The following PTPRG variants were observed in gnomAD, a reference collection of about 807,000 sequenced individuals.
The protein encoded by PTPRG is receptor-type tyrosine-protein phosphatase gamma.
PTPRG carries 102 observed loss-of-function variants against 165.3 expected under a neutral mutation model. The ratio of observed to expected loss-of-function variants is 0.62; its 90% CI spans 0.53 to 0.73. The LOEUF (loss-of-function observed/expected upper bound fraction) is 0.73, where lower values mean the gene tolerates loss of function less well. Among genes scored for constraint, PTPRG ranks in the 30% least tolerant of loss-of-function variants. The pLI, the probability that PTPRG is intolerant of heterozygous loss-of-function variation, is 0.00. For synonymous variants in PTPRG, 675 were observed against 669.5 expected (o/e 1.01, Z -0.13); for missense variants, 1,866 against 1,861.4 (o/e 1.00, Z -0.05).
intron 29 of PTPRG, 127 bp downstream of exon 29, chr3:62,292,683 C>T: frequency 1.8e-6 from 2 of 1,120,326 alleles, no homozygotes; most frequent in Admixed American, 2.5e-5. Context: ...TGTCTGGAGA[C>T]TTTTTTGCTT....
intron 2 of PTPRG, among the ~76,000 whole-genome samples, chr3:61,958,085 A>G (rs954049807): frequency 1.3e-5 from 2 of 151,936 alleles, no homozygotes; most frequent in African/African-American, 4.8e-5. Context: ...CTGCCTGTTT[A>G]GGGGCTAGTT....
At chr3:61,628,508 A>T (rs562645404) in intron 1 of PTPRG, among the ~76,000 whole-genome samples, 1 of 151,950 alleles carries the variant, frequency 6.6e-6, no homozygotes, top group Admixed American at 6.6e-5. Flanking sequence ...TTATTGTTGT[A>T]TTTTTTGTAG....
intron 2 of PTPRG, among the ~76,000 whole-genome samples, chr3:61,841,670 A>G (rs1219383798): frequency 6.6e-6 from 1 of 152,180 alleles, no homozygotes; most frequent in Admixed American, 6.5e-5. Context: ...GCTTCTGTCC[A>G]CTGGCAATTT....
chr3:61,968,216 T>C (rs1250896727), intron 2 of PTPRG, among the ~76,000 whole-genome samples: 3 of 152,192 alleles, frequency 2.0e-5, no homozygotes, highest in Admixed American at 6.5e-5. Flanking sequence ...TCAAGTGTGG[T>C]GTGATGGTTT....
chr3:61,921,682 C>A (rs2039081192), intron 2 of PTPRG, among the ~76,000 whole-genome samples: 1 of 152,138 alleles, frequency 6.6e-6, no homozygotes, highest in South Asian at 2.1e-4. Flanking sequence ...TTGGCTCTCA[C>A]ATTTAGACTC....
chr3:62,078,828 C>G (rs1372823966), intron 5 of PTPRG, among the ~76,000 whole-genome samples: 3 of 151,998 alleles, frequency 2.0e-5, no homozygotes, highest in African/African-American at 7.3e-5. Context: ...ACCTAGAATC[C>G]CAGCATTGCA....
rs1247330779 is a variant in PTPRG, at chr3:62,252,090, CCT to C, written c.2468-3033_2468-3032del. Among the ~76,000 whole-genome samples, 14 of 152,268 alleles carry C rather than the reference CCT, an allele frequency of 9.2e-5. No homozygotes were observed. Among genetic ancestry groups the C allele is most frequent in the Admixed American group, 2.0e-4 (3 of 15,292 alleles). On this transcript the variant is annotated intron_variant, in intron 15 of 29. Coordinates refer to ENST00000474889, the MANE Select transcript of PTPRG (RefSeq NM_002841.4). The surrounding 1 kb of genome is among the most constrained non-coding windows in gnomAD (Gnocchi z 4.6). ...AAACATCTTCACTTTGATTCCAGCC[CCT>C]TTTTTCCTTTATGCTTCTCCCACCA...
chr3:61,678,374 C>A (rs542023256), intron 1 of PTPRG, among the ~76,000 whole-genome samples: 5 of 152,232 alleles, frequency 3.3e-5, no homozygotes, highest in African/African-American at 1.2e-4. Context: ...CAATGTCTGG[C>A]GTAGTTGTCT....
chr3:62,089,438 A>G (rs1014660497), intron 5 of PTPRG, among the ~76,000 whole-genome samples: 6 of 152,042 alleles, frequency 3.9e-5, no homozygotes, highest in East Asian at 1.9e-4. Flanking sequence ...CAAGAATGCA[A>G]CTCCTGTGGT....
chr3:61,585,127 A>G (rs1700402379), intron 1 of PTPRG, among the ~76,000 whole-genome samples: 1 of 151,810 alleles, frequency 6.6e-6, no homozygotes, highest in African/African-American at 2.4e-5. Context: ...TTAAAAATAC[A>G]AAAATTAGCC....
chr3:61,719,717 T>C (rs1477801972), intron 1 of PTPRG, among the ~76,000 whole-genome samples: 1 of 152,206 alleles, frequency 6.6e-6, no homozygotes, highest in Non-Finnish European at 1.5e-5. Context: ...AGGCCATGTG[T>C]GGTTGGGGTT....
At chr3:61,779,163 T>C (rs1393551366) in intron 2 of PTPRG, among the ~76,000 whole-genome samples, 1 of 152,234 alleles carries the variant, frequency 6.6e-6, no homozygotes. Flanking sequence ...GTTGCTCTTT[T>C]GAGATACCTC....
chr3:62,115,870 A>G (rs1702847519), intron 5 of PTPRG, among the ~76,000 whole-genome samples: 1 of 152,168 alleles, frequency 6.6e-6, no homozygotes, highest in Non-Finnish European at 1.5e-5. Flanking sequence ...AAAGAATATC[A>G]TTACAAGGGT....
chr3:61,870,575 TTA>T (rs2037542908), intron 2 of PTPRG, among the ~76,000 whole-genome samples: 1 of 146,196 alleles, frequency 6.8e-6, no homozygotes, highest in African/African-American at 2.5e-5. Context: ...TTTTTTTTTT[TTA>T]ACCATGTTGG....
intron 2 of PTPRG, among the ~76,000 whole-genome samples, chr3:61,918,895 T>C (rs2039007642): frequency 6.6e-6 from 1 of 152,230 alleles, no homozygotes; most frequent in Admixed American, 6.5e-5. Flanking sequence ...CCTCATTTCC[T>C]GGTGGGAGAT....
intron 1 of PTPRG, among the ~76,000 whole-genome samples, chr3:61,729,666 A>AT (rs1246166263): frequency 1.3e-5 from 2 of 152,314 alleles, no homozygotes; most frequent in African/African-American, 4.8e-5. Flanking sequence ...TAACATACTC[A>AT]TTTTTTAACA....
At chr3:62,098,294 A>G (rs1702182264) in intron 5 of PTPRG, among the ~76,000 whole-genome samples, 1 of 152,248 alleles carries the variant, frequency 6.6e-6, no homozygotes, top group Non-Finnish European at 1.5e-5. Context: ...TACAAATGAA[A>G]AAATAATACC....
At chr3:61,878,159 A>G (rs542844042) in intron 2 of PTPRG, among the ~76,000 whole-genome samples, 1 of 152,298 alleles carries the variant, frequency 6.6e-6, no homozygotes, top group East Asian at 1.9e-4. Flanking sequence ...TGTTTTATTG[A>G]TGGAGCCTTT....
At chr3:61,726,802 C>A (rs1018127996) in intron 1 of PTPRG, among the ~76,000 whole-genome samples, 8 of 152,172 alleles carry the variant, frequency 5.3e-5, no homozygotes, top group African/African-American at 1.9e-4. Context: ...AATCCCAGCA[C>A]TTTGGGAGGC....
Sources: gnomAD v4.1 joint callset for allele counts (sites outside exome capture counted in the v4.1 genomes callset) on GRCh38, gnomAD v4.1.1 for gene constraint, Gnocchi (gnomAD v3.1) non-coding constraint, MANE v1.5 for transcripts, NCBI Gene and HGNC (gene_info 2026-07-23, HGNC 2026-07-21) for gene names.